DYM: variants seen among roughly 807,000 people sequenced by gnomAD.
DYM encodes dymeclin.
DYM carries 78 observed loss-of-function variants against 93.1 expected under a neutral mutation model. The observed-to-expected ratio is 0.84, with a 90% CI of 0.70 to 1.01. The LOEUF is 1.01. DYM is among the 50% of genes least tolerant of loss of function. DYM has a pLI of 0.00. For missense variants in DYM, 789 were observed against 845.0 expected (o/e 0.93, Z 0.82); for synonymous variants, 321 against 319.7 (o/e 1.00, Z -0.04).
At chr18:49,379,006 G>A (rs1275476618) in intron 4 of DYM, among the ~76,000 whole-genome samples, 1 of 152,024 alleles carries the variant, frequency 6.6e-6, no homozygotes, top group Non-Finnish European at 1.5e-5. Context: ...GATTAAAAGA[G>A]AAGAAAGCTA....
intron 9 of DYM, among the ~76,000 whole-genome samples, chr18:49,282,913 GA>G (rs1019372278): frequency 6.6e-6 from 1 of 151,958 alleles, no homozygotes; most frequent in Non-Finnish European, 1.5e-5. Context: ...GAATTAAAAA[GA>G]AAAAAACTGC....
intron 17 of DYM, among the ~76,000 whole-genome samples, chr18:49,069,141 T>A (rs937331014): frequency 6.6e-6 from 1 of 152,234 alleles, no homozygotes. Flanking sequence ...TGAGTTAAAT[T>A]AGACAACTTA....
At chr18:49,394,123 A>C (rs545910318) in intron 2 of DYM, among the ~76,000 whole-genome samples, 84 of 152,242 alleles carry the variant, frequency 5.5e-4, no homozygotes, top group Non-Finnish European at 1.1e-3. Context: ...TAAAATGGTT[A>C]AAATGATTAT....
chr18:49,102,795 T>C (rs2080315711), intron 16 of DYM, among the ~76,000 whole-genome samples: 1 of 152,230 alleles, frequency 6.6e-6, no homozygotes, highest in African/African-American at 2.4e-5. Flanking sequence ...TGTGCCACAT[T>C]TTCTTAATCC....
At chr18:49,280,178 T>C (rs2094935973) in intron 10 of DYM, among the ~76,000 whole-genome samples, 1 of 152,240 alleles carries the variant, frequency 6.6e-6, no homozygotes, top group Non-Finnish European at 1.5e-5. Context: ...ATAGAAACAC[T>C]GATGTTTGCA....
At chr18:49,242,104 C>T (rs897212061) in intron 13 of DYM, among the ~76,000 whole-genome samples, 1 of 152,164 alleles carries the variant, frequency 6.6e-6, no homozygotes, top group African/African-American at 2.4e-5. Context: ...TGGCTGAGAA[C>T]TGCTGATCTA....
intron 13 of DYM, among the ~76,000 whole-genome samples, chr18:49,251,639 T>C (rs546264080): frequency 6.6e-6 from 1 of 152,294 alleles, no homozygotes; most frequent in East Asian, 1.9e-4. Context: ...GTTACAAATG[T>C]CAACGCACTT....
chr18:49,058,856 CT>C (rs1001037361), intron 17 of DYM, among the ~76,000 whole-genome samples: 59 of 151,956 alleles, frequency 3.9e-4, no homozygotes, highest in Middle Eastern at 3.4e-3. Flanking sequence ...TAGAACATAC[CT>C]TTTTTTTTAA....
chr18:49,106,989 C>G (rs1463391297), intron 16 of DYM, among the ~76,000 whole-genome samples: 2 of 152,186 alleles, frequency 1.3e-5, no homozygotes, highest in Admixed American at 1.3e-4. Context: ...TGGATAATAT[C>G]CTGCAGAATG....
chr18:49,056,170 C>G (rs1199046515), intron 17 of DYM, among the ~76,000 whole-genome samples: 1 of 152,206 alleles, frequency 6.6e-6, no homozygotes, highest in Non-Finnish European at 1.5e-5. Flanking sequence ...CAGGACTCTT[C>G]AGACAACTCA....
chr18:49,444,332 C>A (rs145288163), intron 1 of DYM, among the ~76,000 whole-genome samples: 1 of 152,178 alleles, frequency 6.6e-6, no homozygotes, highest in Non-Finnish European at 1.5e-5. Context: ...ATGTTTCAAG[C>A]TCCAGGCTGA....
At chr18:49,448,622 G>C (rs1440081209) in intron 1 of DYM, among the ~76,000 whole-genome samples, 5 of 152,106 alleles carry the variant, frequency 3.3e-5, no homozygotes, top group African/African-American at 4.8e-5. Context: ...AAGGTGCCTG[G>C]GACCCAGGAA....
In DYM at chr18:49,102,063, T is replaced by C. The variant is rs80305619; in HGVS notation, c.1912-4548A>G. On this transcript the variant is annotated intron_variant, in intron 16 of 17. Coordinates refer to ENST00000675505, the MANE Select transcript of DYM (RefSeq NM_001353214.3). ...ACTGCTTGGGTTTAAATCCCACCTC[T>C]TCTTATAATATCTTCAAAGTGACAA... Among the ~76,000 whole-genome samples the C allele has an allele frequency of 7.3e-3, 1,109 of 152,304 alleles. 16 individuals carry two copies. Among genetic ancestry groups the C allele is most frequent in the African/African-American group, 0.026 (1,076 of 41,554 alleles).
intron 14 of DYM, among the ~76,000 whole-genome samples, chr18:49,166,580 T>C (rs996445765): frequency 6.6e-6 from 1 of 151,590 alleles, no homozygotes; most frequent in African/African-American, 2.4e-5. Context: ...TTTTCGAGTA[T>C]GTAAATTATT....
intron 16 of DYM, among the ~76,000 whole-genome samples, chr18:49,117,887 G>A (rs955209216): frequency 4.6e-5 from 7 of 151,892 alleles, no homozygotes; most frequent in Admixed American, 2.0e-4. Flanking sequence ...CAGAGATGGG[G>A]TTGGTTTCAC....
At chr18:49,075,810 C>T (rs951560321) in intron 17 of DYM, among the ~76,000 whole-genome samples, 6 of 152,148 alleles carry the variant, frequency 3.9e-5, no homozygotes, top group Admixed American at 6.5e-5. Context: ...TGTAGTGAAA[C>T]GAGTTTTATG....
chr18:49,067,855 G>A (rs73439665), intron 17 of DYM, among the ~76,000 whole-genome samples: 3,777 of 152,132 alleles, frequency 0.025, 148 homozygotes, highest in African/African-American at 0.084. Context: ...CTGAGCCCCC[G>A]AGATCTAGCC....
intron 13 of DYM, among the ~76,000 whole-genome samples, chr18:49,210,650 A>G (rs2092735980): frequency 6.6e-6 from 1 of 152,212 alleles, no homozygotes; most frequent in Admixed American, 6.5e-5. Flanking sequence ...AAAACCAAAG[A>G]ATATACAACA....
chr18:49,096,816 T>C (rs1276338820), intron 17 of DYM, among the ~76,000 whole-genome samples: 1 of 152,206 alleles, frequency 6.6e-6, no homozygotes, highest in Non-Finnish European at 1.5e-5. Flanking sequence ...AGGCACACAG[T>C]AAACAGTGCA....
Sources: gnomAD v4.1 joint callset for allele counts (sites outside exome capture counted in the v4.1 genomes callset) on GRCh38, gnomAD v4.1.1 for gene constraint, MANE v1.5 for transcripts, NCBI Gene and HGNC (gene_info 2026-07-23, HGNC 2026-07-21) for gene names.